R3HDM2: variants seen among roughly 807,000 people sequenced by gnomAD.
The protein encoded by R3HDM2 is R3H domain-containing protein 2.
In R3HDM2, 38 loss-of-function variants were observed where a neutral mutation model predicts 124.5. The observed-to-expected ratio is 0.31, with a 90% CI of 0.24 to 0.40. The LOEUF is 0.40. R3HDM2 is among the 10% of genes least tolerant of loss of function. The pLI, the probability that R3HDM2 is intolerant of heterozygous loss-of-function variation, is 1.00. For synonymous variants in R3HDM2, 391 were observed against 448.0 expected (o/e 0.87, Z 1.61); for missense variants, 869 against 1,236.9 (o/e 0.70, Z 4.46).
intron 2 of R3HDM2, among the ~76,000 whole-genome samples, chr12:57,376,342 A>G (rs943469691): frequency 6.6e-6 from 1 of 152,238 alleles, no homozygotes; most frequent in African/African-American, 2.4e-5. Flanking sequence ...CCTTCCATGG[A>G]CAATAACCTT....
chr12:57,296,333 C>A lies in R3HDM2; in HGVS notation c.701+78G>T, dbSNP rs2049876981. ...ACGCCTGGCCATCTGCAAGAGACAT[C>A]CTGATCCTACACCTTCCTCTTCCAA... is the stretch of plus-strand genomic sequence containing the variant. On this transcript the variant is annotated intron_variant, in intron 9 of 23. Coordinates refer to ENST00000402412, the MANE Select transcript of R3HDM2 (RefSeq NM_001394031.1). This position sits in a 1 kb window ranked among gnomAD's most constrained non-coding sequence, Gnocchi z 4.5. 6.7e-7 allele frequency: 1 copy of A among 1,494,200 alleles called. No homozygotes were observed. Among genetic ancestry groups the A allele is most frequent in the Non-Finnish European group, 9.1e-7 (1 of 1,099,376 alleles). The allele number at this position is 1,494,200 out of a possible 1,614,324, so 92.6% of individuals were successfully genotyped here.
At chr12:57,289,196 C>T (rs1034655916) in intron 11 of R3HDM2, among the ~76,000 whole-genome samples, 156 bp from the exon 12 acceptor site, 2 of 152,132 alleles carry the variant, frequency 1.3e-5, no homozygotes, top group Admixed American at 6.5e-5. Flanking sequence ...GACCCATACC[C>T]GCATACCCAA....
At chr12:57,397,012 G>A (rs2067610955) in intron 1 of R3HDM2, among the ~76,000 whole-genome samples, 2 of 152,022 alleles carry the variant, frequency 1.3e-5, no homozygotes, top group South Asian at 2.1e-4. Flanking sequence ...AGAATGGCTT[G>A]AACCCAGGAG....
At chr12:57,414,483 C>A (rs2139380732) in intron 1 of R3HDM2, among the ~76,000 whole-genome samples, 2 of 77,266 alleles carry the variant, frequency 2.6e-5, no homozygotes, top group Non-Finnish European at 2.6e-5. Context: ...AGAAAGACTC[C>A]ATTAAAAAAA....
At chr12:57,260,012 C>T (rs1202948788) in intron 19 of R3HDM2, among the ~76,000 whole-genome samples, 1 of 151,900 alleles carries the variant, frequency 6.6e-6, no homozygotes, top group Non-Finnish European at 1.5e-5. Context: ...GGCTGTAATC[C>T]CGGCACTTTG....
chr12:57,413,894 T>C (rs1196486231), intron 1 of R3HDM2, among the ~76,000 whole-genome samples: 4 of 137,680 alleles, frequency 2.9e-5, no homozygotes, highest in Non-Finnish European at 6.1e-5. Flanking sequence ...TCACCTAGGC[T>C]GGAGTACGTG....
intron 4 of R3HDM2, 121 bp downstream of exon 4, chr12:57,303,055 C>G: frequency 1.1e-6 from 1 of 889,632 alleles, no homozygotes; most frequent in Middle Eastern, 2.2e-4. Flanking sequence ...AATTGGGGTA[C>G]AGAGTACAGG....
chr12:57,315,981 T>A (rs1252716872), intron 2 of R3HDM2, among the ~76,000 whole-genome samples: 2 of 152,102 alleles, frequency 1.3e-5, no homozygotes, highest in African/African-American at 4.8e-5. Context: ...TAGCCGGGCG[T>A]GGTGGCACAC....
chr12:57,374,527 C>T (rs2063778002), intron 2 of R3HDM2, among the ~76,000 whole-genome samples: 1 of 150,606 alleles, frequency 6.6e-6, no homozygotes, highest in Non-Finnish European at 1.5e-5. Flanking sequence ...ACTAAAAATA[C>T]AAAAAATTAG....
intron 22 of R3HDM2, 45 bp downstream of exon 22, chr12:57,256,366 TAAG>T (rs1164107928): frequency 2.1e-6 from 3 of 1,426,692 alleles, no homozygotes; most frequent in Admixed American, 2.3e-5. Context: ...GGCACCCAAA[TAAG>T]AAGAGGGGTC....
At chr12:57,419,082 T>C (rs1448985301) in intron 1 of R3HDM2, among the ~76,000 whole-genome samples, 2 of 151,956 alleles carry the variant, frequency 1.3e-5, no homozygotes, top group Non-Finnish European at 2.9e-5. Context: ...AGGCCCTAAA[T>C]ATATCTTTCT....
chr12:57,259,793 C>G (rs11172136), intron 19 of R3HDM2, among the ~76,000 whole-genome samples: 1 of 152,162 alleles, frequency 6.6e-6, no homozygotes, highest in Non-Finnish European at 1.5e-5. Flanking sequence ...AATGGACAGT[C>G]TATTAAAGAG....
chr12:57,355,620 G>A (rs554598978), intron 2 of R3HDM2, among the ~76,000 whole-genome samples: 3 of 152,164 alleles, frequency 2.0e-5, no homozygotes, highest in African/African-American at 7.2e-5. Flanking sequence ...CTTGAAATCA[G>A]GTAGTTTAAG....
chr12:57,256,816 A>ATCTC (rs10649122), intron 21 of R3HDM2, among the ~76,000 whole-genome samples: 32,735 of 147,160 alleles, frequency 0.22, 3,842 homozygotes, highest in Admixed American at 0.29. Flanking sequence ...AATGTCTTTT[A>ATCTC]TCTCTCTTTT....
chr12:57,337,183 C>T (rs753368247), intron 2 of R3HDM2, among the ~76,000 whole-genome samples: 4 of 152,006 alleles, frequency 2.6e-5, no homozygotes, highest in Non-Finnish European at 4.4e-5. Context: ...GACAGGGTCT[C>T]GCTCTGTTGC....
At position 57,430,122 on chromosome 12, in the gene R3HDM2, C is replaced by G. The variant is rs114066917; in HGVS notation, c.-106+598G>C. Reference sequence around the variant, plus strand: ...CATCATTATCCAATGACAATTCACTCTAAGTCAGTATTCCTGGTAGTTCCG... The same window carrying G: ...CATCATTATCCAATGACAATTCACTGTAAGTCAGTATTCCTGGTAGTTCCG... On this transcript the variant is annotated intron_variant, in intron 1 of 23. Transcript: ENST00000402412. 4.9e-3 allele frequency among the ~76,000 whole-genome samples: 744 copies of G among 152,276 alleles called. 4 individuals are homozygous for G. Among genetic ancestry groups the G allele is most frequent in the African/African-American group, 0.016 (656 of 41,558 alleles).
At chr12:57,265,300 T>C (rs566413967) in intron 19 of R3HDM2, among the ~76,000 whole-genome samples, 1 of 152,310 alleles carries the variant, frequency 6.6e-6, no homozygotes, top group Non-Finnish European at 1.5e-5. Context: ...CACAAAGTTA[T>C]GGTGAGAATT....
intron 2 of R3HDM2, among the ~76,000 whole-genome samples, chr12:57,345,058 T>A (rs2059953062): frequency 6.6e-6 from 1 of 152,062 alleles, no homozygotes; most frequent in Admixed American, 6.6e-5. Context: ...GGTATCAAAC[T>A]CCCGACCTCG....
intron 2 of R3HDM2, among the ~76,000 whole-genome samples, chr12:57,381,974 C>A (rs2064954053): frequency 6.6e-6 from 1 of 151,880 alleles, no homozygotes; most frequent in Non-Finnish European, 1.5e-5. Context: ...CACCACCATG[C>A]CTGGCTAATT....
Sources: gnomAD v4.1 joint callset for allele counts (sites outside exome capture counted in the v4.1 genomes callset) on GRCh38, gnomAD v4.1.1 for gene constraint, Gnocchi (gnomAD v3.1) non-coding constraint, MANE v1.5 for transcripts, NCBI Gene and HGNC (gene_info 2026-07-23, HGNC 2026-07-21) for gene names.